The following SLC39A11 variants were observed in gnomAD, a reference collection of about 807,000 sequenced individuals.
SLC39A11 encodes solute carrier family 39 member 11.
In SLC39A11, 33 loss-of-function variants were observed where a neutral mutation model predicts 36.1. The ratio of observed to expected loss-of-function variants is 0.91; its 90% CI spans 0.69 to 1.22. The LOEUF (loss-of-function observed/expected upper bound fraction) is 1.22. Among genes scored for constraint, SLC39A11 ranks in the 50% most tolerant of loss-of-function variants. SLC39A11 has a pLI of 0.00. For synonymous variants in SLC39A11, 166 were observed against 170.3 expected (o/e 0.97, Z 0.20); for missense variants, 432 against 430.3 (o/e 1.00, Z -0.03).
At chr17:72,767,914 T>A (rs550594802) in intron 6 of SLC39A11, among the ~76,000 whole-genome samples, 7 of 151,938 alleles carry the variant, frequency 4.6e-5, no homozygotes, top group Non-Finnish European at 8.8e-5. Context: ...GAGACAGAGT[T>A]AGTACTCAAA....
At chr17:72,980,714 C>T (rs912339750) in intron 4 of SLC39A11, among the ~76,000 whole-genome samples, 3 of 152,124 alleles carry the variant, frequency 2.0e-5, no homozygotes, top group Admixed American at 1.3e-4. Context: ...AAGATTAAAG[C>T]GGCACCATAT....
intron 5 of SLC39A11, among the ~76,000 whole-genome samples, chr17:72,919,682 A>G (rs971808193): frequency 6.1e-5 from 9 of 146,780 alleles, no homozygotes; most frequent in Non-Finnish European, 1.2e-4. Flanking sequence ...AAAAAAAAAA[A>G]AAAGAAAAAA....
chr17:73,012,144 C>G (rs2090558830), intron 4 of SLC39A11, among the ~76,000 whole-genome samples: 1 of 151,796 alleles, frequency 6.6e-6, no homozygotes, highest in African/African-American at 2.4e-5. Flanking sequence ...GGCGTGGTGG[C>G]AGGCGCCTGT....
At chr17:72,856,535 G>A (rs1035489810) in intron 5 of SLC39A11, among the ~76,000 whole-genome samples, 2 of 152,030 alleles carry the variant, frequency 1.3e-5, no homozygotes, top group Non-Finnish European at 2.9e-5. Flanking sequence ...TGGAGTTTTA[G>A]CCTCAAATTT....
chr17:72,817,094 T>C (rs1287755696), intron 6 of SLC39A11, among the ~76,000 whole-genome samples: 1 of 93,506 alleles, frequency 1.1e-5, no homozygotes, highest in Non-Finnish European at 2.5e-5. Flanking sequence ...TTTGTGTTGA[T>C]ATAAAGGAAT....
At chr17:72,822,715 T>TTTTC (rs1339986241) in intron 6 of SLC39A11, among the ~76,000 whole-genome samples, 1 of 150,804 alleles carries the variant, frequency 6.6e-6, no homozygotes, top group Admixed American at 6.6e-5. Flanking sequence ...CCTAAACTTT[T>TTTTC]TTTCTTTCTT....
intron 5 of SLC39A11, among the ~76,000 whole-genome samples, chr17:72,876,691 ACTC>A (rs1225567472): frequency 6.6e-6 from 1 of 150,972 alleles, no homozygotes; most frequent in Admixed American, 6.6e-5. Flanking sequence ...CAACTCCTCT[ACTC>A]CTCCCTAATT....
chr17:72,905,758 CTT>C (rs879277527), intron 5 of SLC39A11, among the ~76,000 whole-genome samples: 11 of 144,834 alleles, frequency 7.6e-5, no homozygotes, highest in South Asian at 2.2e-4. Flanking sequence ...GAACTCAACT[CTT>C]TTTTTTTTTT....
intron 5 of SLC39A11, 87 bp from the exon 6 acceptor site, chr17:72,849,891 A>G: frequency 7.8e-7 from 1 of 1,290,150 alleles, no homozygotes. Context: ...TACAGCAGGA[A>G]GAAGCTTCTT....
chr17:72,748,324 A>AAAC (rs2075024902), intron 6 of SLC39A11, among the ~76,000 whole-genome samples: 1 of 151,882 alleles, frequency 6.6e-6, no homozygotes, highest in South Asian at 2.1e-4. Context: ...TCCATCTCAA[A>AAAC]AAAAAAAAAT....
chr17:72,738,210 T>C (rs1440414659), intron 6 of SLC39A11, among the ~76,000 whole-genome samples: 1 of 152,096 alleles, frequency 6.6e-6, no homozygotes, highest in Non-Finnish European at 1.5e-5. Context: ...TTCACCGTGT[T>C]AGCCAGGATG....
chr17:72,758,807 T>C (rs1386208495), intron 6 of SLC39A11, among the ~76,000 whole-genome samples: 1 of 152,246 alleles, frequency 6.6e-6, no homozygotes, highest in Admixed American at 6.5e-5. Flanking sequence ...CGGTTGATAC[T>C]TGCAGCCAGA....
intron 7 of SLC39A11, among the ~76,000 whole-genome samples, chr17:72,707,887 G>A (rs556118870): frequency 7.9e-5 from 12 of 152,326 alleles, no homozygotes; most frequent in African/African-American, 2.9e-4. Flanking sequence ...CAGTTTAAAC[G>A]ATAAGGGTTT....
chr17:72,977,243 C>CCTGG (rs149989572), intron 4 of SLC39A11, among the ~76,000 whole-genome samples: 3,363 of 152,152 alleles, frequency 0.022, 102 homozygotes, highest in East Asian at 0.12. Context: ...GGAGAGAGGC[C>CCTGG]CTGGCTAATA....
At chr17:72,656,354 CCT>C (rs1056878018) in intron 7 of SLC39A11, among the ~76,000 whole-genome samples, 2 of 152,066 alleles carry the variant, frequency 1.3e-5, no homozygotes, top group African/African-American at 4.8e-5. Flanking sequence ...CAGGCTGTCC[CCT>C]GACAAGGTCC....
At chr17:72,995,786 T>C (rs1197837614) in intron 4 of SLC39A11, among the ~76,000 whole-genome samples, 1 of 152,160 alleles carries the variant, frequency 6.6e-6, no homozygotes, top group Admixed American at 6.5e-5. Flanking sequence ...GCTTTCCTGG[T>C]TCTCCAGCTC....
Position 72,771,354 on chromosome 17 carries a change from T to TAAA in SLC39A11, c.602-34638_602-34636dup, listed in dbSNP as rs4036979. 6.8e-3 allele frequency among the ~76,000 whole-genome samples: 968 copies of TAAA among 142,926 alleles called. 13 individuals carry two copies. Among genetic ancestry groups the TAAA allele is most frequent in the African/African-American group, 0.021 (789 of 37,902 alleles). The allele number at this position is 142,926 out of a possible 152,430, so 93.8% of individuals were successfully genotyped here. A position where few individuals can be genotyped will look rare whatever the true frequency, so the allele number is the denominator to read the frequency against. On this transcript the variant is annotated intron_variant, in intron 6 of 9. Coordinates refer to ENST00000255559, the MANE Select transcript of SLC39A11 (RefSeq NM_139177.4). The stretch of plus-strand genomic sequence containing the variant: ...CTGGGCAACAGAGCGAGACCCTATC[T>TAAA]AAAAAAAAAAAAAAAATCCTTAAAC...
intron 7 of SLC39A11, among the ~76,000 whole-genome samples, chr17:72,726,329 G>A (rs1405438818): frequency 6.6e-6 from 1 of 152,188 alleles, no homozygotes; most frequent in Non-Finnish European, 1.5e-5. Context: ...AGTCTCCTTT[G>A]TAACTTCTCT....
At chr17:72,978,456 G>A (rs1378399562) in intron 4 of SLC39A11, among the ~76,000 whole-genome samples, 1 of 152,192 alleles carries the variant, frequency 6.6e-6, no homozygotes, top group Non-Finnish European at 1.5e-5. Context: ...TTCTAGGAAG[G>A]AAATAAACAG....
Sources: gnomAD v4.1 joint callset for allele counts (sites outside exome capture counted in the v4.1 genomes callset) on GRCh38, gnomAD v4.1.1 for gene constraint, MANE v1.5 for transcripts, NCBI Gene and HGNC (gene_info 2026-07-23, HGNC 2026-07-21) for gene names.